The following CYP4X1 variants were observed in gnomAD, a reference collection of about 807,000 sequenced individuals.
CYP4X1 encodes the protein cytochrome P450 family 4 subfamily X member 1, also known as cytochrome P450 4X1.
Under a neutral mutation model 57.9 loss-of-function variants are expected in CYP4X1, and 44 were observed. The observed-to-expected ratio is 0.76, with a 90% CI of 0.60 to 0.98. CYP4X1 has a LOEUF of 0.98. CYP4X1 is among the 50% of genes least tolerant of loss of function. The pLI is 0.00. For missense variants in CYP4X1, 532 were observed against 623.9 expected (o/e 0.85, Z 1.57); for synonymous variants, 227 against 228.6 (o/e 0.99, Z 0.06).
At chr1:47,038,850 C>G in intron 7 of CYP4X1, 84 bp downstream of exon 7, 1 of 1,058,278 alleles carries the variant, frequency 9.4e-7, no homozygotes, top group Non-Finnish European at 1.4e-6. Flanking sequence ...GATGGGGAGA[C>G]AAGAATAAAA....
chr1:46,991,972 A>G, the CYP4X1 span, among the ~76,000 whole-genome samples: 1 of 152,184 alleles, frequency 6.6e-6, no homozygotes, highest in Non-Finnish European at 1.5e-5. Flanking sequence ...AACAGACGTT[A>G]TCATCCGCTC....
chr1:46,967,633 A>G, the CYP4X1 span: 4 of 392,700 alleles, frequency 1.0e-5, no homozygotes, highest in South Asian at 3.2e-4. Context: ...GGCAGGAGAC[A>G]GGAGCAGGGG....
chr1:47,029,895 T>C, intron 1 of CYP4X1, 95 bp from the exon 2 acceptor site: 1 of 1,407,214 alleles, frequency 7.1e-7, no homozygotes. Context: ...CTCCTCTGCT[T>C]GTGTGACCTT....
At chr1:46,993,750 A>G in the CYP4X1 span, among the ~76,000 whole-genome samples, 1 of 152,068 alleles carries the variant, frequency 6.6e-6, no homozygotes, top group African/African-American at 2.4e-5. Context: ...GTCTGTTCAT[A>G]TCCTTTGCCC....
the CYP4X1 span, among the ~76,000 whole-genome samples, chr1:46,962,864 C>G: frequency 2.0e-5 from 3 of 152,052 alleles, no homozygotes; most frequent in Non-Finnish European, 4.4e-5. Flanking sequence ...TTAAAGTCTC[C>G]CATTATTATT....
the CYP4X1 span, chr1:46,961,653 G>A: frequency 3.9e-6 from 5 of 1,290,628 alleles, no homozygotes; most frequent in Middle Eastern, 2.1e-4. Context: ...TGCTTATCAA[G>A]GTGCCTCCTC....
rs145581426 is a variant in CYP4X1, at chr1:47,024,408, A to G, written c.177+414A>G. Among the ~76,000 whole-genome samples the G allele has an allele frequency of 2.6e-5, 4 of 152,316 alleles. No homozygotes were observed. In the East Asian group the frequency reaches 7.7e-4, roughly 29 times the overall value. ...TCCCAATCGTTGGCACCCTTAGTCC[A>G]TTTTAACAAGAGAAAATTTTCTTTT... On this transcript the variant is annotated intron_variant, in intron 1 of 11. Coordinates refer to ENST00000371901, the MANE Select transcript of CYP4X1 (RefSeq NM_178033.2).
chr1:47,049,655 G>A, intron 11 of CYP4X1, 151 bp downstream of exon 11: 1 of 757,366 alleles, frequency 1.3e-6, no homozygotes, highest in Non-Finnish European at 2.2e-6. Context: ...GTTTTACAAA[G>A]GACAATCGTA....
the CYP4X1 span, among the ~76,000 whole-genome samples, chr1:46,980,200 G>A: frequency 6.6e-6 from 1 of 152,326 alleles, no homozygotes; most frequent in Non-Finnish European, 1.5e-5. Flanking sequence ...CCTGTTTGCA[G>A]TTGACATGAT....
At chr1:46,989,264 CAG>C in the CYP4X1 span, among the ~76,000 whole-genome samples, 1 of 152,078 alleles carries the variant, frequency 6.6e-6, no homozygotes, top group Non-Finnish European at 1.5e-5. Flanking sequence ...AATCGACAAA[CAG>C]AGAGCCAAAT....
chr1:46,965,887 A>G, the CYP4X1 span, among the ~76,000 whole-genome samples: 1 of 152,184 alleles, frequency 6.6e-6, no homozygotes, highest in African/African-American at 2.4e-5. Flanking sequence ...AGCCCTATCC[A>G]TAGAACCCTG....
At chr1:46,990,866 C>T in the CYP4X1 span, among the ~76,000 whole-genome samples, 1 of 151,762 alleles carries the variant, frequency 6.6e-6, no homozygotes, top group African/African-American at 2.4e-5. Context: ...CACATGGACA[C>T]AGGGAGGGGA....
At chr1:47,021,410 G>A (rs1348546146), upstream of CYP4X1, among the ~76,000 whole-genome samples, 1 of 152,190 alleles carries the variant, frequency 6.6e-6, no homozygotes, top group Non-Finnish European at 1.5e-5. Context: ...CCCACCTCTT[G>A]CAGCCTGGTG....
chr1:47,003,538 C>A, the CYP4X1 span, among the ~76,000 whole-genome samples: 2 of 152,194 alleles, frequency 1.3e-5, no homozygotes, highest in South Asian at 2.1e-4. Flanking sequence ...GCAGGCTGTA[C>A]AAGCATGATG....
At chr1:47,050,820 T>C (rs1385518609), downstream of CYP4X1, 2 of 152,232 alleles carry the variant, frequency 1.3e-5, no homozygotes, top group Non-Finnish European at 2.9e-5. Context: ...TTATTGGGCA[T>C]TTAAGTTATT....
In CYP4X1 at chr1:47,030,126, G is replaced by C. The variant is rs1393635084; in HGVS notation, c.314G>C (p.Arg105Thr). 2 of 1,612,214 alleles carry C rather than the reference G, an allele frequency of 1.2e-6. No homozygotes were observed. Among genetic ancestry groups the C allele is most frequent in the African/African-American group, 1.3e-5 (1 of 74,850 alleles). The change falls in exon 2 of 12, where the codon AGA becomes ACA. Residue 105 changes from arginine (R) to threonine (T), a missense_variant. Coordinates refer to ENST00000371901, the MANE Select transcript of CYP4X1 (RefSeq NM_178033.2). The stretch of plus-strand genomic sequence containing the variant: ...GACTATGCAAAGACACTTCTGAGCA[G>C]AACAGGTAAGAAGAGGGGGAAAGCT... ...DPDYAKTLLS[R>T]TDPKSQYLQK...
the CYP4X1 span, among the ~76,000 whole-genome samples, chr1:46,968,461 C>T: frequency 6.6e-6 from 1 of 152,192 alleles, no homozygotes; most frequent in African/African-American, 2.4e-5. Flanking sequence ...CTTACCTGTG[C>T]AGCCCATGTC....
At chr1:47,000,405 G>A in the CYP4X1 span, among the ~76,000 whole-genome samples, 1 of 152,132 alleles carries the variant, frequency 6.6e-6, no homozygotes, top group Non-Finnish European at 1.5e-5. Context: ...ATGCAAGAAA[G>A]GCAGCTCTAG....
the CYP4X1 span, chr1:46,967,938 G>A: frequency 7.5e-6 from 3 of 402,538 alleles, no homozygotes; most frequent in Non-Finnish European, 1.3e-5. Flanking sequence ...TTCATGAATG[G>A]TTAAAGGGTT....
Sources: gnomAD v4.1 joint callset for allele counts (sites outside exome capture counted in the v4.1 genomes callset) on GRCh38, gnomAD v4.1.1 for gene constraint, MANE v1.5 for transcripts, NCBI Gene and HGNC (gene_info 2026-07-23, HGNC 2026-07-21) for gene names.